RARB: variants seen among roughly 807,000 people sequenced by gnomAD.
RARB encodes HBV-activated protein.
A neutral mutation model predicts 51.9 loss-of-function variants in RARB; 17 were observed. The observed-to-expected ratio is 0.33, with a 90% CI of 0.22 to 0.49. The LOEUF is 0.49. Ranked by LOEUF, RARB falls within the 20% of genes least tolerant of loss-of-function variation. RARB has a pLI of 0.99. For synonymous variants in RARB, 215 were observed against 195.4 expected (o/e 1.10, Z -0.84); for missense variants, 369 against 550.8 (o/e 0.67, Z 3.30).
At chr3:25,052,218 C>T (rs1378320578) in intron 2 of RARB, among the ~76,000 whole-genome samples, 1 of 152,164 alleles carries the variant, frequency 6.6e-6, no homozygotes, top group African/African-American at 2.4e-5. Flanking sequence ...TTGCTTAAAG[C>T]CCTTATTATC....
At chr3:24,916,484 G>A (rs987954462) in intron 2 of RARB, among the ~76,000 whole-genome samples, 15 of 152,164 alleles carry the variant, frequency 9.9e-5, no homozygotes, top group African/African-American at 2.4e-4. Flanking sequence ...ATGAAAGCCC[G>A]CATTGGTTAT....
chr3:25,152,717 A>G (rs971044691), intron 4 of RARB, among the ~76,000 whole-genome samples: 5 of 152,232 alleles, frequency 3.3e-5, no homozygotes, highest in African/African-American at 7.2e-5. Flanking sequence ...ATTAGACTCT[A>G]CATAGTTCCT....
At chr3:25,385,080 C>A (rs967320115) in intron 5 of RARB, among the ~76,000 whole-genome samples, 2 of 152,190 alleles carry the variant, frequency 1.3e-5, no homozygotes, top group African/African-American at 4.8e-5. Flanking sequence ...AGCGTACACT[C>A]CTCCCTCCAC....
chr3:25,557,565 C>T (rs1016324215), intron 3 of RARB, among the ~76,000 whole-genome samples: 1 of 152,126 alleles, frequency 6.6e-6, no homozygotes, highest in African/African-American at 2.4e-5. Flanking sequence ...TGTTCCCTCA[C>T]CATCATTGTG....
Position 25,456,376 on chromosome 3 carries a change from C to G in RARB, c.158-4817C>G, listed in dbSNP as rs1367343874. Among the ~76,000 whole-genome samples the G allele has an allele frequency of 2.6e-5, 4 of 151,990 alleles. No individual in the cohort carries two copies. In the South Asian group the frequency reaches 8.3e-4, roughly 32 times the overall value. On this transcript the variant is annotated intron_variant, in intron 1 of 7. Coordinates refer to ENST00000330688, the MANE Select transcript of RARB (RefSeq NM_000965.5). ...GAGGAAGGCAAAAAAAGAAAAGGAC[C>G]TCTGATAAACTTTGCCAAAGTATGT...
At chr3:25,052,857 G>T (rs1455992306) in intron 2 of RARB, among the ~76,000 whole-genome samples, 1 of 151,792 alleles carries the variant, frequency 6.6e-6, no homozygotes, top group Non-Finnish European at 1.5e-5. Flanking sequence ...AGTAAAAGTG[G>T]GGTCACAAGT....
chr3:25,519,074 T>C (rs1698294060), intron 3 of RARB, among the ~76,000 whole-genome samples: 1 of 152,214 alleles, frequency 6.6e-6, no homozygotes, highest in Non-Finnish European at 1.5e-5. Context: ...CATTCATCAT[T>C]ACCTCTGTAG....
chr3:25,075,569 G>A (rs1242807905), intron 3 of RARB, among the ~76,000 whole-genome samples: 1 of 151,912 alleles, frequency 6.6e-6, no homozygotes, highest in Non-Finnish European at 1.5e-5. Context: ...TAGCTAGGGG[G>A]AAATATTTTT....
chr3:25,126,258 C>T (rs1699857728), intron 3 of RARB, among the ~76,000 whole-genome samples: 1 of 152,002 alleles, frequency 6.6e-6, no homozygotes. Context: ...GTATTTCTGA[C>T]CACAAAACCC....
chr3:25,286,921 T>G (rs182339921), intron 5 of RARB, among the ~76,000 whole-genome samples: 7 of 152,276 alleles, frequency 4.6e-5, no homozygotes, highest in African/African-American at 1.2e-4. Context: ...ACAAGAAAAT[T>G]TATGTATCAT....
chr3:25,334,121 G>A (rs370060375), intron 5 of RARB, among the ~76,000 whole-genome samples: 19 of 152,258 alleles, frequency 1.2e-4, no homozygotes, highest in African/African-American at 4.1e-4. Flanking sequence ...ACAGTGTGGC[G>A]ATTCCTCAGG....
chr3:24,956,317 C>A (rs1242221566), intron 2 of RARB, among the ~76,000 whole-genome samples: 1 of 152,148 alleles, frequency 6.6e-6, no homozygotes, highest in Non-Finnish European at 1.5e-5. Context: ...ATAATAATAT[C>A]TTCATCATGA....
At chr3:25,137,094 C>A (rs1229849300) in intron 4 of RARB, among the ~76,000 whole-genome samples, 3 of 152,052 alleles carry the variant, frequency 2.0e-5, no homozygotes, top group African/African-American at 7.2e-5. Context: ...GTACACTAAT[C>A]TCAGGCTATT....
At chr3:24,962,681 T>G (rs1209917501) in intron 2 of RARB, among the ~76,000 whole-genome samples, 1 of 152,192 alleles carries the variant, frequency 6.6e-6, no homozygotes, top group African/African-American at 2.4e-5. Context: ...GCATCTGGGT[T>G]GCATGTCCTT....
At chr3:25,400,268 T>C (rs1232196283) in intron 5 of RARB, among the ~76,000 whole-genome samples, 9 of 152,208 alleles carry the variant, frequency 5.9e-5, no homozygotes, top group Admixed American at 5.2e-4. Context: ...ACCAGGAGTT[T>C]GGGAGTTTGC....
At chr3:25,273,645 G>A (rs553743828) in intron 5 of RARB, among the ~76,000 whole-genome samples, 1 of 152,306 alleles carries the variant, frequency 6.6e-6, no homozygotes, top group African/African-American at 2.4e-5. Context: ...GCAAAGATAA[G>A]GAATGCGATA....
intron 5 of RARB, among the ~76,000 whole-genome samples, chr3:25,582,826 C>CAGAG (rs1478230373): frequency 9.9e-5 from 15 of 152,154 alleles, no homozygotes; most frequent in African/African-American, 3.6e-4. Context: ...TTTAACTTCT[C>CAGAG]TAAGCCTCTG....
intron 2 of RARB, among the ~76,000 whole-genome samples, chr3:24,947,275 A>G (rs959691218): frequency 2.0e-5 from 3 of 152,248 alleles, no homozygotes; most frequent in Non-Finnish European, 2.9e-5. Flanking sequence ...ACGTGAACCT[A>G]TATAATATCT....
Position 25,507,363 on chromosome 3 carries a change from G to A in RARB, c.448+6040G>A, listed in dbSNP as rs75801200. 7.9e-3 allele frequency among the ~76,000 whole-genome samples: 1,199 copies of A among 152,284 alleles called. 18 individuals are homozygous for A. Among genetic ancestry groups the A allele is most frequent in the African/African-American group, 0.027 (1,130 of 41,546 alleles). On this transcript the variant is annotated intron_variant, in intron 3 of 7. Transcript: ENST00000330688. ...ACAATTCTAGGTGTGTATTCAAATC[G>A]CAGTCATTCGTTTATCTGCTAGGGG...
Sources: gnomAD v4.1 joint callset for allele counts (sites outside exome capture counted in the v4.1 genomes callset) on GRCh38, gnomAD v4.1.1 for gene constraint, MANE v1.5 for transcripts, NCBI Gene and HGNC (gene_info 2026-07-23, HGNC 2026-07-21) for gene names.